FANCB: variants seen among roughly 807,000 people sequenced by gnomAD.
The protein encoded by FANCB is Fanconi anemia group B protein.
In FANCB, 5 loss-of-function variants were observed where a neutral mutation model predicts 38.9. That is an observed-to-expected ratio of 0.13 (90% confidence interval 0.07 to 0.27). The LOEUF (loss-of-function observed/expected upper bound fraction) is 0.27, where lower values mean the gene tolerates loss of function less well. Among genes scored for constraint, FANCB ranks in the 10% least tolerant of loss-of-function variants. The probability of loss-of-function intolerance (pLI) is 1.00; values close to 1 mark genes in which losing one functional copy is unlikely to be tolerated. For synonymous variants in FANCB, 236 were observed against 215.4 expected, an observed-to-expected ratio of 1.10 and a Z score of -0.84; for missense variants, 573 against 602.7, an observed-to-expected ratio of 0.95 and a Z score of 0.52.
the FANCB span, among the ~76,000 whole-genome samples, chrX:14,792,039 T>C: frequency 8.9e-6 from 1 of 111,883 alleles, no homozygotes; most frequent in Non-Finnish European, 1.9e-5. Context: ...TACCTAAAAA[T>C]CTTACATTTA....
At chrX:14,709,955 T>C in the FANCB span, among the ~76,000 whole-genome samples, 23 of 112,032 alleles carry the variant, frequency 2.1e-4, no homozygotes, top group Non-Finnish European at 2.8e-4. Context: ...AGCAGGTTTA[T>C]AGTTTTTCAC....
At chrX:14,770,840 T>A in the FANCB span, among the ~76,000 whole-genome samples, 2 of 111,958 alleles carry the variant, frequency 1.8e-5, no homozygotes, top group Admixed American at 1.9e-4. Flanking sequence ...GGTGATGAAT[T>A]CCCTAAACAT....
In FANCB at chrX:14,844,660, T is replaced by G; in HGVS notation, c.2008A>C (p.Asn670His). Residue 670 changes from asparagine to histidine, a missense_variant, in exon 9 of 10, where the codon AAT becomes CAT. Transcript: ENST00000650831. ...TCTAAGAGCCACACCTTCATTGAAT[T>G]CAGGGCATAGCCGGGTGATGTGATT... ...FQITSPGYALNSMKVWLLEHM... is the reference protein window; with the variant it reads ...FQITSPGYALHSMKVWLLEHM... The G allele has an allele frequency of 8.3e-7, 1 of 1,210,926 alleles. No individual in the cohort carries two copies. Among genetic ancestry groups the G allele is most frequent in the Non-Finnish European group, 1.1e-6 (1 of 894,587 alleles).
At chrX:14,797,679 TA>T in the FANCB span, among the ~76,000 whole-genome samples, 173 of 82,736 alleles carry the variant, frequency 2.1e-3, no homozygotes, top group Admixed American at 1.7e-3. Flanking sequence ...GAGATTCCAT[TA>T]AAAAAAAAAA....
chrX:14,712,321 C>T, the FANCB span, among the ~76,000 whole-genome samples: 3 of 111,886 alleles, frequency 2.7e-5, no homozygotes, highest in South Asian at 7.4e-4. Flanking sequence ...GTTGTGACAA[C>T]CAAAATGTCT....
chrX:14,691,281 G>C, the FANCB span, among the ~76,000 whole-genome samples: 2 of 49,432 alleles, frequency 4.0e-5, no homozygotes, highest in Non-Finnish European at 8.2e-5. Context: ...CTGTGTGTGT[G>C]TGTGTGTGTG....
chrX:14,812,156 T>C, the FANCB span, among the ~76,000 whole-genome samples: 1 of 107,302 alleles, frequency 9.3e-6, no homozygotes, highest in African/African-American at 3.4e-5. Flanking sequence ...CTGGGACACA[T>C]TCAAAGCAGT....
In FANCB at chrX:14,864,873, C is replaced by A. The variant is rs755764501; in HGVS notation, c.638G>T (p.Cys213Phe). 1.7e-6 allele frequency: 2 copies of A among 1,209,401 alleles called. No homozygotes were observed. Among genetic ancestry groups the A allele is most frequent in the East Asian group, 3.0e-5 (1 of 33,832 alleles). The change falls in exon 3 of 10, where the codon TGT (cysteine) becomes TTT (phenylalanine). Residue 213 changes from cysteine to phenylalanine, a missense_variant. Transcript: ENST00000650831. ...TTCTTGACTTTCAAGAGAATATACA[C>A]AAAATTTGGTATTCCAAATTGCATA... The part of the protein sequence containing the change: ...SDYAIWNTKF[C>F]VYSLESQEVL...
chrX:14,762,901 T>C, the FANCB span, among the ~76,000 whole-genome samples: 1 of 112,715 alleles, frequency 8.9e-6, no homozygotes, highest in Admixed American at 9.4e-5. Flanking sequence ...TTTTGATATT[T>C]CATTTTATTT....
chrX:14,858,033 C>T lies in FANCB; in HGVS notation c.1105-79G>A, dbSNP rs901963132. 48 of 635,129 alleles carry T rather than the reference C, an allele frequency of 7.6e-5. No homozygotes were observed. In the African/African-American group the frequency reaches 1.0e-3, roughly 13 times the overall value. The allele number at this position is 635,129 out of a possible 1,213,427, so 52.3% of individuals were successfully genotyped here. ...GAAAATTCACAAAACTAACAAAATA[C>T]AATTAAAGTATATCCAGTCAGAACA... On this transcript the variant is annotated intron_variant, in intron 4 of 9. Coordinates refer to ENST00000650831, the MANE Select transcript of FANCB (RefSeq NM_001018113.3).
the FANCB span, among the ~76,000 whole-genome samples, chrX:14,726,169 A>G: frequency 8.9e-6 from 1 of 112,368 alleles, no homozygotes; most frequent in South Asian, 3.6e-4. Flanking sequence ...GTTTCAGTTT[A>G]TCCATGACTC....
the FANCB span, among the ~76,000 whole-genome samples, chrX:14,759,359 A>T: frequency 2.7e-5 from 3 of 111,467 alleles, no homozygotes; most frequent in Non-Finnish European, 5.7e-5. Context: ...CAAATACAAG[A>T]AGCTCAAAGA....
the FANCB span, chrX:14,731,702 C>G: frequency 1.8e-5 from 2 of 111,516 alleles, no homozygotes; most frequent in Non-Finnish European, 3.8e-5. Flanking sequence ...TTTGCTTACT[C>G]AGATAAAAGA....
At chrX:14,799,395 C>T in the FANCB span, among the ~76,000 whole-genome samples, 1 of 112,223 alleles carries the variant, frequency 8.9e-6, no homozygotes, top group Non-Finnish European at 1.9e-5. Flanking sequence ...CCACCAGTAT[C>T]ATTAAGATAT....
the FANCB span, among the ~76,000 whole-genome samples, chrX:14,723,808 C>G: frequency 8.9e-6 from 1 of 112,131 alleles, no homozygotes; most frequent in Non-Finnish European, 1.9e-5. Flanking sequence ...TCTTATCTGT[C>G]AGATTAGACC....
chrX:14,837,858 T>C (rs894899987), intron 10 of FANCB, among the ~76,000 whole-genome samples: 24 of 112,224 alleles, frequency 2.1e-4, no homozygotes, highest in African/African-American at 7.5e-4. Flanking sequence ...GGATATATTA[T>C]TTAACCTGTC....
the FANCB span, among the ~76,000 whole-genome samples, chrX:14,735,209 C>A: frequency 9.1e-6 from 1 of 109,846 alleles, no homozygotes; most frequent in African/African-American, 3.3e-5. Context: ...TTGTTATTAC[C>A]CGCCTTCTGA....
the FANCB span, among the ~76,000 whole-genome samples, chrX:14,723,386 C>T: frequency 8.9e-6 from 1 of 111,994 alleles, no homozygotes; most frequent in African/African-American, 3.2e-5. Context: ...CCCATTAAAT[C>T]CAAATCATTA....
the FANCB span, among the ~76,000 whole-genome samples, chrX:14,824,369 G>GT: frequency 1.8e-5 from 2 of 111,133 alleles, no homozygotes; most frequent in Admixed American, 1.9e-4. Context: ...CTCTTTTACG[G>GT]TTTTTTTTAC....
Sources: allele counts gnomAD v4.1 joint callset (sites outside exome capture counted in the v4.1 genomes callset), GRCh38; gene constraint gnomAD v4.1.1; transcripts MANE v1.5; gene names NCBI Gene and HGNC (gene_info 2026-07-23, HGNC 2026-07-21).